The following GSE1 variants were observed in gnomAD, a reference collection of about 807,000 sequenced individuals.
The protein encoded by GSE1 is Gse1 coiled-coil protein.
GSE1 carries 32 observed loss-of-function variants against 112.6 expected under a neutral mutation model. The observed-to-expected ratio is 0.28, with a 90% CI of 0.21 to 0.38. The LOEUF is 0.38. GSE1 is among the 10% of genes least tolerant of loss of function. The probability of loss-of-function intolerance (pLI) is 1.00; values close to 1 mark genes in which losing one functional copy is unlikely to be tolerated. For missense variants in GSE1, 2,348 were observed against 1,699.2 expected, an observed-to-expected ratio of 1.38 and a Z score of -6.71; for synonymous variants, 1,115 against 735.6, an observed-to-expected ratio of 1.52 and a Z score of -8.35.
chr16:85,521,951 C>T (rs1000978809), intron 2 of GSE1, among the ~76,000 whole-genome samples: 8 of 152,366 alleles, frequency 5.3e-5, no homozygotes, highest in Middle Eastern at 3.4e-3. Context: ...GGGCCCCGCT[C>T]ACAGAAGCCA....
intron 1 of GSE1, among the ~76,000 whole-genome samples, chr16:85,333,776 C>T (rs896333256): frequency 1.3e-5 from 2 of 152,164 alleles, no homozygotes; most frequent in Admixed American, 6.5e-5. Context: ...GCCATCTCTG[C>T]GTGGACATCC....
At chr16:85,217,797 C>T (rs1312453776) in intron 1 of GSE1, among the ~76,000 whole-genome samples, 2 of 152,186 alleles carry the variant, frequency 1.3e-5, no homozygotes, top group Non-Finnish European at 1.5e-5. Flanking sequence ...AATCCTCTTC[C>T]TCCTGCCTCC....
At chr16:85,176,161 T>A (rs750883263) in intron 1 of GSE1, among the ~76,000 whole-genome samples, 3 of 152,182 alleles carry the variant, frequency 2.0e-5, no homozygotes, top group Non-Finnish European at 4.4e-5. Flanking sequence ...GCTAATTTTT[T>A]GTTGTTTTCT....
chr16:85,550,098 C>T (rs968327550), intron 2 of GSE1, among the ~76,000 whole-genome samples: 1 of 152,114 alleles, frequency 6.6e-6, no homozygotes. Flanking sequence ...TCCTGGAGTG[C>T]AGGGGTGATT....
chr16:85,661,810 A>T, intron 9 of GSE1, 45 bp downstream of exon 9: 2 of 1,446,488 alleles, frequency 1.4e-6, no homozygotes. Context: ...AGAGCCGCAC[A>T]GTGGGGATGG....
intron 2 of GSE1, among the ~76,000 whole-genome samples, chr16:85,462,486 C>T (rs988237843): frequency 3.3e-5 from 5 of 151,876 alleles, no homozygotes; most frequent in African/African-American, 4.8e-5. Context: ...GAGCCCCAGC[C>T]CTGGGGATGG....
chr16:85,342,491 G>A (rs972817366), intron 1 of GSE1, among the ~76,000 whole-genome samples: 4 of 152,118 alleles, frequency 2.6e-5, no homozygotes, highest in Admixed American at 6.5e-5. Context: ...GGTGGCCCAC[G>A]CTTGAGCTGA....
intron 2 of GSE1, among the ~76,000 whole-genome samples, chr16:85,476,211 C>T (rs1040267300): frequency 8.5e-5 from 13 of 152,178 alleles, no homozygotes; most frequent in African/African-American, 3.1e-4. Context: ...GGATTACAGG[C>T]GTCAGCCACC....
intron 2 of GSE1, among the ~76,000 whole-genome samples, chr16:85,458,615 G>T (rs778382817): frequency 6.6e-6 from 1 of 152,194 alleles, no homozygotes; most frequent in Non-Finnish European, 1.5e-5. Context: ...TCCACATTGC[G>T]GGTGGCTATC....
Position 85,645,287 on chromosome 16 carries a change from G to T in GSE1, c.227-3265G>T, listed in dbSNP as rs372288602. On this transcript the variant is annotated intron_variant, in intron 2 of 15. Coordinates refer to ENST00000253458, the MANE Select transcript of GSE1 (RefSeq NM_014615.5). The stretch of plus-strand genomic sequence containing the variant: ...TCCTGGTGGGTGGGAGCGTGATGAG[G>T]TGGGGGCCTTGCCTTGGGCAGTTCG... Among the ~76,000 whole-genome samples, 378 of 152,246 alleles carry T rather than the reference G, an allele frequency of 2.5e-3. 2 individuals are homozygous for T. Among genetic ancestry groups the T allele is most frequent in the African/African-American group, 8.6e-3 (358 of 41,562 alleles).
At chr16:85,236,804 G>A (rs4782695) in intron 1 of GSE1, among the ~76,000 whole-genome samples, 130,401 of 152,050 alleles carry the variant, frequency 0.86, 55,958 homozygotes, top group East Asian at 1. Context: ...ATACCTCTAA[G>A]GTGTGCCTCC....
chr16:85,572,937 T>A (rs1008565731), intron 1 of GSE1, among the ~76,000 whole-genome samples: 3 of 152,170 alleles, frequency 2.0e-5, no homozygotes, highest in African/African-American at 7.2e-5. Context: ...TGGCGCTGTC[T>A]CTGCTTGCTG....
chr16:85,170,124 C>G (rs1002500548), exon 1 of GSE1: 1 of 985,356 alleles, frequency 1.0e-6, no homozygotes, highest in Admixed American at 6.1e-5. Context: ...AGGACGGGGC[C>G]CCAGGGCCAG....
chr16:85,245,018 C>T (rs1304349519), intron 1 of GSE1, among the ~76,000 whole-genome samples: 9 of 150,858 alleles, frequency 6.0e-5, no homozygotes, highest in East Asian at 3.9e-4. Flanking sequence ...ATTTTTTTTC[C>T]GAGTGTGGTG....
In GSE1 at chr16:85,656,530, G is replaced by C; in HGVS notation, c.1177G>C (p.Ala393Pro). 3 of 1,549,122 alleles carry C rather than the reference G, an allele frequency of 1.9e-6. No individual in the cohort carries two copies. The highest frequency in any genetic ancestry group is 2.6e-6 in the Non-Finnish European group (3 of 1,146,504). ...GCTGGAGCGCCAGCGGGAGCAGCGG[G>C]CCCGGGAGAAGGAGCTGCTGGCCGC... is the stretch of plus-strand genomic sequence containing the variant. Reference protein sequence around the residue: ...RELERQREQRAREKELLAAKA... With the variant: ...RELERQREQRPREKELLAAKA... The change falls in exon 7 of 16, where the codon GCC (alanine) becomes CCC (proline). Residue 393 changes from alanine to proline, a missense_variant. Ala to Pro is a conservative substitution (Grantham distance 27). Coordinates refer to ENST00000253458, the MANE Select transcript of GSE1 (RefSeq NM_014615.5).
intron 1 of GSE1, among the ~76,000 whole-genome samples, chr16:85,569,360 G>T (rs948622894): frequency 1.3e-5 from 2 of 152,168 alleles, no homozygotes; most frequent in African/African-American, 2.4e-5. Context: ...TGAGCCCCTG[G>T]GCCTGGGGGC....
chr16:85,625,272 G>A (rs2048995477), intron 1 of GSE1, among the ~76,000 whole-genome samples: 1 of 152,196 alleles, frequency 6.6e-6, no homozygotes, highest in South Asian at 2.1e-4. Flanking sequence ...CGCGTCAAAT[G>A]TTGCTGCCAT....
At chr16:85,618,675 A>G (rs919903660) in intron 1 of GSE1, among the ~76,000 whole-genome samples, 1 of 152,236 alleles carries the variant, frequency 6.6e-6, no homozygotes, top group African/African-American at 2.4e-5. Context: ...TGTTTTAATT[A>G]GAGACAGGGT....
At chr16:85,508,074 G>A (rs562660541) in intron 2 of GSE1, among the ~76,000 whole-genome samples, 15 of 152,232 alleles carry the variant, frequency 9.9e-5, no homozygotes, top group Admixed American at 2.0e-4. Context: ...TTGCTGTGTC[G>A]CTCAGGCTGG....
Sources: allele counts gnomAD v4.1 joint callset (sites outside exome capture counted in the v4.1 genomes callset), GRCh38; gene constraint gnomAD v4.1.1; transcripts MANE v1.5; gene names NCBI Gene and HGNC (gene_info 2026-07-23, HGNC 2026-07-21).